The following CCDC171 variants were observed in gnomAD, a reference collection of about 807,000 sequenced individuals.
CCDC171 encodes coiled-coil domain-containing protein 171.
CCDC171 carries 177 observed loss-of-function variants against 168.2 expected under a neutral mutation model. The ratio of observed to expected loss-of-function variants is 1.05; its 90% confidence interval spans 0.93 to 1.19. The LOEUF (loss-of-function observed/expected upper bound fraction) is 1.19, where lower values mean the gene tolerates loss of function less well. Ranked by LOEUF, CCDC171 falls within the 50% of genes most tolerant of loss-of-function variation. The pLI is 0.00. For missense variants in CCDC171, 1,991 were observed against 1,539.0 expected, an observed-to-expected ratio of 1.29 and a Z score of -4.91; for synonymous variants, 687 against 540.8, an observed-to-expected ratio of 1.27 and a Z score of -3.75.
chr9:15,600,502 G>A (rs1048465345), intron 6 of CCDC171, among the ~76,000 whole-genome samples: 16 of 152,136 alleles, frequency 1.1e-4, no homozygotes, highest in African/African-American at 3.1e-4. Flanking sequence ...TGGAAGTTTT[G>A]TCGCAGAGGA....
At chr9:15,699,916 A>C (rs2051566052) in intron 11 of CCDC171, among the ~76,000 whole-genome samples, 1 of 151,894 alleles carries the variant, frequency 6.6e-6, no homozygotes, top group East Asian at 2.0e-4. Context: ...GTGTATTTAT[A>C]TTCCCTGAGC....
the CCDC171 span, among the ~76,000 whole-genome samples, chr9:16,093,927 G>A: frequency 6.6e-5 from 10 of 152,150 alleles, no homozygotes; most frequent in Non-Finnish European, 1.3e-4. Context: ...AATGTCTCAC[G>A]CTTCTATGGC....
chr9:15,565,286 T>C (rs897366407), intron 2 of CCDC171, among the ~76,000 whole-genome samples: 2 of 152,096 alleles, frequency 1.3e-5, no homozygotes, highest in Non-Finnish European at 2.9e-5. Flanking sequence ...ATTAGAATAT[T>C]TCACCTTATT....
At chr9:16,046,638 TC>T (rs947011734) in intron 1 of CCDC171, among the ~76,000 whole-genome samples, 4 of 152,128 alleles carry the variant, frequency 2.6e-5, no homozygotes, top group Admixed American at 2.0e-4. Context: ...GGGGGTGGTT[TC>T]TCCCATACTG....
At chr9:15,988,762 C>T (rs962248848) in intron 3 of CCDC171, among the ~76,000 whole-genome samples, 1 of 152,198 alleles carries the variant, frequency 6.6e-6, no homozygotes, top group Non-Finnish European at 1.5e-5. Flanking sequence ...TCTTAGCAAA[C>T]AGCACACTAG....
At chr9:15,603,557 A>T (rs897049111) in intron 6 of CCDC171, among the ~76,000 whole-genome samples, 6 of 152,124 alleles carry the variant, frequency 3.9e-5, no homozygotes, top group African/African-American at 1.4e-4. Context: ...TTCCAGCTCT[A>T]TCCATGTCCC....
chr9:15,808,420 G>A (rs1000609182), intron 21 of CCDC171, among the ~76,000 whole-genome samples: 1 of 152,126 alleles, frequency 6.6e-6, no homozygotes, highest in Non-Finnish European at 1.5e-5. Flanking sequence ...AAGACAGAGG[G>A]GCAAGGGATG....
chr9:15,666,083 C>T, intron 8 of CCDC171, 80 bp from the exon 9 acceptor site: 2 of 1,254,028 alleles, frequency 1.6e-6, no homozygotes, highest in Non-Finnish European at 2.2e-6. Context: ...TAATCTGTTA[C>T]TGACAAAGTA....
intron 6 of CCDC171, among the ~76,000 whole-genome samples, chr9:16,026,761 G>A (rs1398307719): frequency 1.2e-4 from 18 of 152,150 alleles, no homozygotes; most frequent in Non-Finnish European, 1.5e-5. Context: ...AAAAGAAAAA[G>A]CTAGAAATGT....
intron 24 of CCDC171, among the ~76,000 whole-genome samples, chr9:15,907,578 C>G (rs1007844641): frequency 1.3e-5 from 2 of 152,108 alleles, no homozygotes; most frequent in African/African-American, 4.8e-5. Flanking sequence ...TAGGCATTAC[C>G]ATTCAGGACA....
intron 21 of CCDC171, among the ~76,000 whole-genome samples, chr9:15,809,313 C>T (rs1243165820): frequency 6.6e-6 from 1 of 152,092 alleles, no homozygotes; most frequent in Non-Finnish European, 1.5e-5. Flanking sequence ...TAACCACTAG[C>T]CACGTGTGGC....
chr9:15,778,843 A>G (rs2135410818), intron 19 of CCDC171, 125 bp from the exon 20 acceptor site: 1 of 630,368 alleles, frequency 1.6e-6, no homozygotes, highest in East Asian at 3.4e-5. Context: ...TCACCTCTAC[A>G]TTTCTGTAAT....
chr9:15,578,966 A>C lies in CCDC171; in HGVS notation c.295A>C (p.Arg99=). 1 of 1,614,122 alleles carries C rather than the reference A, an allele frequency of 6.2e-7. No homozygotes were observed. Among genetic ancestry groups the C allele is most frequent in the Non-Finnish European group, 8.5e-7 (1 of 1,179,982 alleles). Residue 99 remains arginine, a synonymous_variant, in exon 4 of 26, where the codon AGA becomes CGA. Transcript: ENST00000380701. ...AVARKEAGLG[R]RAAEERLAEA... The stretch of plus-strand genomic sequence containing the variant: ...TGCTAGAAAGGAAGCTGGTCTTGGA[A>C]GACGGGCTGCTGAAGAAAGATTAGC...
intron 21 of CCDC171, among the ~76,000 whole-genome samples, chr9:15,810,659 C>T (rs1393725458): frequency 6.6e-6 from 1 of 152,168 alleles, no homozygotes; most frequent in Non-Finnish European, 1.5e-5. Flanking sequence ...CTAAGCCCCT[C>T]CCTGCCTGGG....
chr9:15,622,983 C>A (rs139616294), intron 6 of CCDC171, among the ~76,000 whole-genome samples: 8,974 of 152,156 alleles, frequency 0.059, 345 homozygotes, highest in Middle Eastern at 0.11. Flanking sequence ...TATATAAATA[C>A]CTTCAGAGGT....
At chr9:15,587,759 C>T in intron 4 of CCDC171, 1 of 385,338 alleles carries the variant, frequency 2.6e-6, no homozygotes, top group Non-Finnish European at 5.4e-6. Context: ...GAGTAGACAA[C>T]CAAGAGTTAC....
At chr9:15,713,924 G>T (rs923396809) in intron 11 of CCDC171, among the ~76,000 whole-genome samples, 5 of 151,462 alleles carry the variant, frequency 3.3e-5, no homozygotes, top group Admixed American at 1.3e-4. Flanking sequence ...GGCAACAAAG[G>T]TACATTGCTG....
chr9:15,972,098 G>A lies in CCDC171; in HGVS notation c.*262G>A. 1 of 422,496 alleles carries A rather than the reference G, an allele frequency of 2.4e-6. No individual in the cohort carries two copies. The allele number at this position is 422,496 out of a possible 1,614,324, so 26.2% of individuals were successfully genotyped here. On this transcript the variant is annotated 3_prime_UTR_variant, in exon 26 of 26. Transcript: ENST00000380701. Reference sequence around the variant, plus strand: ...TAAATGTTAAGGAATGACACATTTTGGGTAATTTCCCTCAGACTTAAAAAA... The same window carrying A: ...TAAATGTTAAGGAATGACACATTTTAGGTAATTTCCCTCAGACTTAAAAAA...
intron 21 of CCDC171, among the ~76,000 whole-genome samples, chr9:15,829,857 C>T (rs1371532817): frequency 6.6e-6 from 1 of 152,144 alleles, no homozygotes; most frequent in Non-Finnish European, 1.5e-5. Context: ...TAGATTGAGG[C>T]TGCAGTGAAC....
Sources: allele counts gnomAD v4.1 joint callset (sites outside exome capture counted in the v4.1 genomes callset), GRCh38; gene constraint gnomAD v4.1.1; transcripts MANE v1.5; gene names NCBI Gene and HGNC (gene_info 2026-07-23, HGNC 2026-07-21).